RASGRP1: variants seen among roughly 807,000 people sequenced by gnomAD.
The protein encoded by RASGRP1 is RAS guanyl releasing protein 1.
In RASGRP1, 37 loss-of-function variants were observed where a neutral mutation model predicts 95.1. The ratio of observed to expected loss-of-function variants is 0.39; its 90% CI spans 0.30 to 0.51. RASGRP1 has a LOEUF of 0.51. RASGRP1 is among the 20% of genes least tolerant of loss of function. The pLI is 0.80. For synonymous variants in RASGRP1, 325 were observed against 353.4 expected (o/e 0.92, Z 0.90); for missense variants, 711 against 965.4 (o/e 0.74, Z 3.49).
chr15:38,507,635 G>A, intron 9 of RASGRP1, 91 bp downstream of exon 9: 1 of 1,378,618 alleles, frequency 7.3e-7, no homozygotes, highest in East Asian at 2.5e-5. Flanking sequence ...GAGCCTTTAT[G>A]AGGACTAACA....
chr15:38,525,531 A>T (rs1361351010), intron 3 of RASGRP1, among the ~76,000 whole-genome samples: 1 of 152,136 alleles, frequency 6.6e-6, no homozygotes, highest in African/African-American at 2.4e-5. Context: ...AAGACTCATG[A>T]GTAGGTATAG....
chr15:38,489,786 A>G lies in RASGRP1; in HGVS notation c.*768T>C, dbSNP rs956141428. 6.6e-6 allele frequency: 1 copy of G among 152,042 alleles called. No homozygotes were observed. The highest frequency in any genetic ancestry group is 1.5e-5 in the Non-Finnish European group (1 of 67,904). 9.4% of individuals were successfully genotyped at this position (152,042 alleles called of 1,614,324 possible). Reference sequence around the variant, plus strand: ...ATCCACTGTAGAATATATAAGGACAAACATGTTTGCGTTATGTTTATTTTA... The same window carrying G: ...ATCCACTGTAGAATATATAAGGACAGACATGTTTGCGTTATGTTTATTTTA... On this transcript the variant is annotated 3_prime_UTR_variant, in exon 17 of 17. Transcript: ENST00000310803.
In RASGRP1 at chr15:38,516,265, G is replaced by A; in HGVS notation, c.607C>T (p.His203Tyr). 6.2e-7 allele frequency: 1 copy of A among 1,601,506 alleles called. No individual in the cohort carries two copies. Among genetic ancestry groups the A allele is most frequent in the Non-Finnish European group, 8.6e-7 (1 of 1,168,610 alleles). The change falls in exon 6 of 17, where the codon CAT becomes TAT. Residue 203 changes from histidine (H) to tyrosine (Y), a missense_variant. This residue lies in a region of RASGRP1 where 491 missense variants were observed against 676.6 expected (regional missense o/e 0.73). Coordinates refer to ENST00000310803, the MANE Select transcript of RASGRP1 (RefSeq NM_005739.4). Reference protein sequence around the residue: ...KKRKVSLLFDHLEPEELSEHL... With the variant: ...KKRKVSLLFDYLEPEELSEHL... The stretch of plus-strand genomic sequence containing the variant: ...TCGGATAGCTCTTCTGGTTCCAGAT[G>A]GTCAAAGAGCAGGGAGACTTTCCGT...
chr15:38,515,569 C>T (rs926541401), intron 6 of RASGRP1, among the ~76,000 whole-genome samples: 2 of 152,132 alleles, frequency 1.3e-5, no homozygotes, highest in Admixed American at 6.5e-5. Flanking sequence ...CTCCCTTTGA[C>T]TCTGCTTAGT....
intron 1 of RASGRP1, among the ~76,000 whole-genome samples, chr15:38,560,708 C>T (rs529443709): frequency 6.6e-6 from 1 of 152,302 alleles, no homozygotes; most frequent in East Asian, 1.9e-4. Context: ...GTTGATAATA[C>T]AGGTAACCAT....
At chr15:38,554,068 T>C (rs1893445211) in intron 2 of RASGRP1, among the ~76,000 whole-genome samples, 1 of 152,174 alleles carries the variant, frequency 6.6e-6, no homozygotes, top group Admixed American at 6.5e-5. Context: ...TGGCAATCTC[T>C]GGGGTTGACT....
chr15:38,503,109 A>G, intron 11 of RASGRP1, 163 bp downstream of exon 11: 1 of 627,810 alleles, frequency 1.6e-6, no homozygotes, highest in Admixed American at 2.9e-5. Flanking sequence ...GTGTTGTCAA[A>G]ATGTAACTTT....
In RASGRP1 at chr15:38,559,618, T is replaced by C. The variant is rs573651470; in HGVS notation, c.220+203A>G. Among the ~76,000 whole-genome samples, 7 of 152,340 alleles carry C rather than the reference T, an allele frequency of 4.6e-5. No homozygotes were observed. The East Asian group carries it at 1.4e-3, about 29-fold the overall frequency. On this transcript the variant is annotated intron_variant, in intron 2 of 16. Coordinates refer to ENST00000310803, the MANE Select transcript of RASGRP1 (RefSeq NM_005739.4). ...CAAACTCTCCTAACTTTTCTCACTT[T>C]AAAATTGCACTTCTCATCACGACCT...
At chr15:38,547,930 A>G (rs1893166292) in intron 2 of RASGRP1, among the ~76,000 whole-genome samples, 1 of 151,052 alleles carries the variant, frequency 6.6e-6, no homozygotes, top group Non-Finnish European at 1.5e-5. Flanking sequence ...ACTCAACTCC[A>G]ACTCCCGCCT....
At chr15:38,504,077 A>C (rs1891153666) in intron 10 of RASGRP1, 1 of 152,228 alleles carries the variant, frequency 6.6e-6, no homozygotes, top group Admixed American at 6.5e-5. Flanking sequence ...AGAAAAGGTA[A>C]AAATATGGTA....
chr15:38,547,974 G>GTT (rs773651084), intron 2 of RASGRP1, among the ~76,000 whole-genome samples: 43 of 136,570 alleles, frequency 3.1e-4, no homozygotes, highest in African/African-American at 8.6e-4. Context: ...AAGTTTCCAG[G>GTT]TTTTTTTTTT....
intron 16 of RASGRP1, among the ~76,000 whole-genome samples, chr15:38,492,823 T>C (rs965044917): frequency 6.6e-6 from 1 of 151,996 alleles, no homozygotes; most frequent in Admixed American, 6.6e-5. Context: ...TTGAGTATCT[T>C]GACAGTTGGC....
At chr15:38,559,080 C>G (rs1407383790) in intron 2 of RASGRP1, among the ~76,000 whole-genome samples, 1 of 152,198 alleles carries the variant, frequency 6.6e-6, no homozygotes, top group African/African-American at 2.4e-5. Flanking sequence ...TGAAATCCAT[C>G]AATTTTAATC....
chr15:38,494,115 A>C (rs1890701203), intron 16 of RASGRP1, among the ~76,000 whole-genome samples: 1 of 152,188 alleles, frequency 6.6e-6, no homozygotes, highest in African/African-American at 2.4e-5. Flanking sequence ...CTGTGTGGTG[A>C]TAGGGAGCCC....
chr15:38,494,377 G>A lies in RASGRP1; in HGVS notation c.2259+5C>T. The A allele has an allele frequency of 6.2e-7, 1 of 1,613,628 alleles. No homozygotes were observed. The highest frequency in any genetic ancestry group is 8.5e-7 in the Non-Finnish European group (1 of 1,179,836). The stretch of plus-strand genomic sequence containing the variant: ...TGAAAAAAAGGAAAATGAAAAGGAA[G>A]GTACCTGTTCCAGTTCTTGGTAGGT... On this transcript the variant is annotated splice_donor_5th_base_variant and intron_variant, in intron 16 of 16. Coordinates refer to ENST00000310803, the MANE Select transcript of RASGRP1 (RefSeq NM_005739.4).
chr15:38,502,512 A>G, intron 11 of RASGRP1, 91 bp from the exon 12 acceptor site: 2 of 780,024 alleles, frequency 2.6e-6, no homozygotes, highest in South Asian at 3.5e-5. Flanking sequence ...GCAGTTGGAT[A>G]AAAGCCTTTT....
rs749420646 is a variant in RASGRP1, at chr15:38,518,314, G to A, written c.499C>T (p.Arg167Cys). Residue 167 changes from arginine (R) to cysteine (C), a missense_variant, in exon 5 of 17, where the codon CGC becomes TGC. Arg to Cys is a radical substitution (Grantham distance 180). Around this residue, in one of 3 missense-constraint regions of RASGRP1, gnomAD observed 491 missense variants for 676.6 expected, o/e 0.73. Coordinates refer to ENST00000310803, the MANE Select transcript of RASGRP1 (RefSeq NM_005739.4). Reference sequence around the variant, plus strand: ...CACATTTGAGTTGTGTCAATCAGGCGGCAATGTAACTCCTCACCCTTAGCT... The same window carrying A: ...CACATTTGAGTTGTGTCAATCAGGCAGCAATGTAACTCCTCACCCTTAGCT... Reference protein sequence around the residue: ...VKAKGEELHCRLIDTTQINAR... With the variant: ...VKAKGEELHCCLIDTTQINAR... 8.1e-6 allele frequency: 13 copies of A among 1,610,332 alleles called. No homozygotes were observed. Among genetic ancestry groups the A allele is most frequent in the South Asian group, 1.1e-5 (1 of 90,122 alleles).
At position 38,502,362 on chromosome 15, in the gene RASGRP1, T is replaced by A; in HGVS notation, c.1488A>T (p.Glu496Asp). ...AAAATGGAAAACTCGCAGCAATCTTTTCAAATTCTTCCTGAGAAATGTATC... is the reference window on the plus strand; with the variant it reads ...AAAATGGAAAACTCGCAGCAATCTTATCAAATTCTTCCTGAGAAATGTATC... ...QDGYISQEEFEKIAASFPFSF... is the reference protein window; with the variant it reads ...QDGYISQEEFDKIAASFPFSF... The change falls in exon 12 of 17, where the codon GAA becomes GAT. Residue 496 changes from glutamate (E) to aspartate (D), a missense_variant. Around this residue, in one of 3 missense-constraint regions of RASGRP1, gnomAD observed 491 missense variants for 676.6 expected, o/e 0.73. Transcript: ENST00000310803. 1 of 1,607,398 alleles carries A rather than the reference T, an allele frequency of 6.2e-7. No homozygotes were observed. The highest frequency in any genetic ancestry group is 8.5e-7 in the Non-Finnish European group (1 of 1,173,966).
chr15:38,490,510 A>C lies in RASGRP1; in HGVS notation c.*44T>G. The C allele has an allele frequency of 6.3e-7, 1 of 1,582,070 alleles. No individual in the cohort carries two copies. Among genetic ancestry groups the C allele is most frequent in the South Asian group, 1.2e-5 (1 of 84,974 alleles). ...TCTGTGCATTACAGTTTAGGAAATG[A>C]GATCACTATACTCATCTACAGATTG... is the stretch of plus-strand genomic sequence containing the variant. On this transcript the variant is annotated 3_prime_UTR_variant, in exon 17 of 17. Coordinates refer to ENST00000310803, the MANE Select transcript of RASGRP1 (RefSeq NM_005739.4).
Sources: allele counts gnomAD v4.1 joint callset (sites outside exome capture counted in the v4.1 genomes callset), GRCh38; gene constraint gnomAD v4.1.1; regional missense constraint gnomAD v4.1.1; transcripts MANE v1.5; gene names NCBI Gene and HGNC (gene_info 2026-07-23, HGNC 2026-07-21).